Variants in WDR44 observed in about 807,000 individuals in gnomAD.
The protein encoded by WDR44 is WD repeat-containing protein 44.
A neutral mutation model predicts 65.7 loss-of-function variants in WDR44; 9 were observed. That is an observed-to-expected ratio of 0.14 (90% CI 0.08 to 0.24). The LOEUF is 0.24. WDR44 is among the 10% of genes least tolerant of loss of function. The pLI, the probability that WDR44 is intolerant of heterozygous loss-of-function variation, is 1.00. For missense variants in WDR44, 425 were observed against 670.9 expected (o/e 0.63, Z 4.05); for synonymous variants, 220 against 235.2 (o/e 0.94, Z 0.59).
chrX:118,349,395 T>G (rs1467986789), intron 1 of WDR44, among the ~76,000 whole-genome samples: 5 of 109,213 alleles, frequency 4.6e-5, no homozygotes. Context: ...AAAGGTTTTT[T>G]TAGAGATGGG....
intron 19 of WDR44, chrX:118,444,932 C>T (rs1366106362): frequency 3.1e-6 from 1 of 327,544 alleles, no homozygotes; most frequent in Non-Finnish European, 5.9e-6. Flanking sequence ...GTCAGATATC[C>T]ATTTCTGAAC....
chrX:118,404,689 A>C (rs1311054700), intron 9 of WDR44, among the ~76,000 whole-genome samples: 1 of 111,930 alleles, frequency 8.9e-6, no homozygotes. Context: ...GTTATGAATT[A>C]GTTTCGTTTG....
chrX:118,377,603 T>C, intron 1 of WDR44, among the ~76,000 whole-genome samples: 1 of 110,873 alleles, frequency 9.0e-6, no homozygotes, highest in African/African-American at 3.3e-5. Flanking sequence ...CAGGTACAAG[T>C]TGGCAGTTTG....
intron 18 of WDR44, 116 bp from the exon 19 acceptor site, chrX:118,444,244 A>G: frequency 1.1e-6 from 1 of 878,202 alleles, no homozygotes; most frequent in Non-Finnish European, 1.5e-6. Flanking sequence ...TGGGTTTTAA[A>G]TCACTCTTAG....
intron 2 of WDR44, 67 bp downstream of exon 2, chrX:118,378,519 ATTC>A: frequency 1.9e-6 from 2 of 1,070,632 alleles, no homozygotes; most frequent in Non-Finnish European, 2.6e-6. Flanking sequence ...TTTTTGTGTA[ATTC>A]TTCATTTTCT....
chrX:118,371,914 T>C (rs2056616938), intron 1 of WDR44, among the ~76,000 whole-genome samples: 1 of 110,897 alleles, frequency 9.0e-6, no homozygotes, highest in African/African-American at 3.3e-5. Context: ...CCTTAATATG[T>C]AAAAAGGATA....
chrX:118,352,346 A>ATTTTTT (rs2056418564), intron 1 of WDR44, among the ~76,000 whole-genome samples: 1 of 22,745 alleles, frequency 4.4e-5, no homozygotes. Context: ...ATATATATAT[A>ATTTTTT]TATATATTTT....
At chrX:118,388,579 C>T (rs1487436099) in intron 3 of WDR44, among the ~76,000 whole-genome samples, 1 of 111,783 alleles carries the variant, frequency 8.9e-6, no homozygotes, top group Non-Finnish European at 1.9e-5. Context: ...CTGTGCCCAG[C>T]GAGACCACAT....
chrX:118,384,525 C>G (rs751110084), intron 2 of WDR44, among the ~76,000 whole-genome samples: 19 of 111,716 alleles, frequency 1.7e-4, no homozygotes, highest in Middle Eastern at 4.6e-3. Context: ...CTATTCTGTT[C>G]TATTGGTCTG....
At chrX:118,380,752 C>T (rs759946974) in intron 2 of WDR44, among the ~76,000 whole-genome samples, 2 of 111,695 alleles carry the variant, frequency 1.8e-5, no homozygotes, top group Non-Finnish European at 3.8e-5. Flanking sequence ...ATAGAATAGA[C>T]GTGTTAACTG....
chrX:118,379,535 A>T (rs983210848), intron 2 of WDR44, among the ~76,000 whole-genome samples: 4 of 111,587 alleles, frequency 3.6e-5, no homozygotes, highest in African/African-American at 9.8e-5. Context: ...GTTCAAAAGC[A>T]TGCCAAACTA....
At chrX:118,419,671 T>C (rs9698253) in intron 12 of WDR44, among the ~76,000 whole-genome samples, 29,548 of 111,134 alleles carry the variant, frequency 0.27, 3,191 homozygotes, top group African/African-American at 0.39. Context: ...TCCATCTGAG[T>C]AGGAGCTGCA....
At chrX:118,365,466 C>T (rs2056544659) in intron 1 of WDR44, among the ~76,000 whole-genome samples, 2 of 108,795 alleles carry the variant, frequency 1.8e-5, no homozygotes, top group South Asian at 8.0e-4. Flanking sequence ...ATGATCGTGC[C>T]ACTGCACTCC....
At chrX:118,413,741 A>G (rs2057030837) in intron 12 of WDR44, among the ~76,000 whole-genome samples, 1 of 111,969 alleles carries the variant, frequency 8.9e-6, no homozygotes, top group African/African-American at 3.2e-5. Context: ...GTTCCTGGTC[A>G]TGAAATCCTT....
chrX:118,424,311 A>ATG (rs1182357496), intron 12 of WDR44, among the ~76,000 whole-genome samples: 101 of 75,731 alleles, frequency 1.3e-3, no homozygotes, highest in South Asian at 1.9e-3. Context: ...ATATATATAT[A>ATG]TGTGTGTGTG....
At chrX:118,396,636 A>G (rs938454401) in intron 6 of WDR44, among the ~76,000 whole-genome samples, 3 of 111,903 alleles carry the variant, frequency 2.7e-5, no homozygotes, top group African/African-American at 9.7e-5. Context: ...CAGAAAGTAG[A>G]TTGGTATTTG....
chrX:118,389,998 ATTC>A (rs1330538539), intron 3 of WDR44, among the ~76,000 whole-genome samples: 1 of 109,486 alleles, frequency 9.1e-6, no homozygotes, highest in Non-Finnish European at 1.9e-5. Context: ...GGTTGAAGCA[ATTC>A]TTCTGCCTCA....
intron 12 of WDR44, among the ~76,000 whole-genome samples, chrX:118,424,329 A>ATATATATATATATATG (rs1569379484): frequency 1.5e-4 from 13 of 84,529 alleles, no homozygotes; most frequent in African/African-American, 7.5e-4. Context: ...GTGTGTATAT[A>ATATATATATATATATG]TATATATATA....
chrX:118,435,052 A>T (rs1036375568), intron 13 of WDR44, among the ~76,000 whole-genome samples: 1 of 111,694 alleles, frequency 9.0e-6, no homozygotes, highest in African/African-American at 3.3e-5. Context: ...ATCAGTGCTT[A>T]GTTTAAGAAC....
Sources: allele counts gnomAD v4.1 joint callset (sites outside exome capture counted in the v4.1 genomes callset), GRCh38; gene constraint gnomAD v4.1.1; transcripts MANE v1.5; gene names NCBI Gene and HGNC (gene_info 2026-07-23, HGNC 2026-07-21).